COLEC12: variants seen among roughly 807,000 people sequenced by gnomAD.
The protein encoded by COLEC12 is collectin subfamily member 12, also known as collectin-12.
Under a neutral mutation model 71.1 loss-of-function variants are expected in COLEC12, and 33 were observed. The ratio of observed to expected loss-of-function variants is 0.46; its 90% CI spans 0.35 to 0.62. COLEC12 has a LOEUF of 0.62. Ranked by LOEUF, COLEC12 falls within the 20% of genes least tolerant of loss-of-function variation. The probability of loss-of-function intolerance (pLI) is 0.00; values close to 1 mark genes in which losing one functional copy is unlikely to be tolerated. For synonymous variants in COLEC12, 350 were observed against 353.0 expected, an observed-to-expected ratio of 0.99 and a Z score of 0.10; for missense variants, 765 against 916.1, an observed-to-expected ratio of 0.84 and a Z score of 2.13.
chr18:468,089 C>T (rs2143747667), intron 2 of COLEC12, among the ~76,000 whole-genome samples: 1 of 152,038 alleles, frequency 6.6e-6, no homozygotes, highest in South Asian at 2.1e-4. Context: ...TGGTGAAACC[C>T]CATCTCCACT....
At position 331,608 on chromosome 18, in the gene COLEC12, A is replaced by G. The variant is rs1037717998; in HGVS notation, c.2063+60T>C. On this transcript the variant is annotated intron_variant, in intron 8 of 9. Transcript: ENST00000400256. Reference sequence around the variant, plus strand: ...GGAAGAAACTGTTGGGAGTCGGGCAAGAAGTGACAACAGAACAGTGAGAGC... The same window carrying G: ...GGAAGAAACTGTTGGGAGTCGGGCAGGAAGTGACAACAGAACAGTGAGAGC... The G allele has an allele frequency of 7.2e-6, 8 of 1,105,498 alleles. No individual in the cohort carries two copies. The African/African-American group carries it at 1.1e-4, about 15-fold the overall frequency. The allele number at this position is 1,105,498 out of a possible 1,614,324, so 68.5% of individuals were successfully genotyped here.
chr18:377,598 G>A (rs947742006), intron 2 of COLEC12, among the ~76,000 whole-genome samples: 1 of 152,188 alleles, frequency 6.6e-6, no homozygotes, highest in Admixed American at 6.5e-5. Flanking sequence ...AAGGAAAGGA[G>A]CCTCCCAAAA....
intron 2 of COLEC12, among the ~76,000 whole-genome samples, chr18:429,202 G>GT (rs142565092): frequency 0.19 from 28,418 of 151,574 alleles, 2,925 homozygotes; most frequent in Middle Eastern, 0.24. Flanking sequence ...GTGTTTTTAT[G>GT]TTTTTTTTGT....
Position 347,216 on chromosome 18 carries a change from G to A in COLEC12, c.406C>T (p.Leu136=), listed in dbSNP as rs746937325. The part of the protein sequence containing the change: ...TEKTSKNKDT[L]EKLQASGDAL... ...TCCCCGCTCGCCTGTAACTTCTCCA[G>A]CGTATCCTTGTTCTTGCTGGTTTTT... Residue 136 remains leucine, a synonymous_variant, in exon 5 of 10, where the codon CTG becomes TTG. Coordinates refer to ENST00000400256, the MANE Select transcript of COLEC12 (RefSeq NM_130386.3). 3 of 1,614,188 alleles carry A rather than the reference G, an allele frequency of 1.9e-6. No homozygotes were observed. The highest frequency in any genetic ancestry group is 2.5e-6 in the Non-Finnish European group (3 of 1,180,030).
intron 5 of COLEC12, among the ~76,000 whole-genome samples, chr18:341,845 C>G (rs530283198): frequency 3.9e-4 from 59 of 152,114 alleles, no homozygotes; most frequent in Non-Finnish European, 7.2e-4. Flanking sequence ...AGCTCTTGTT[C>G]TCACTCATTA....
chr18:403,891 A>G (rs1401845322), intron 2 of COLEC12, among the ~76,000 whole-genome samples: 1 of 152,206 alleles, frequency 6.6e-6, no homozygotes, highest in Non-Finnish European at 1.5e-5. Context: ...GGCACAAACA[A>G]AGGATTGGAA....
In COLEC12 at chr18:318,488, G is replaced by GTTTTTTTT; in HGVS notation, c.*1549_*1556dup. On this transcript the variant is annotated 3_prime_UTR_variant, in exon 10 of 10. Transcript: ENST00000400256. ...AAAGGAAGATGGGCTCAGAGGAAAG[G>GTTTTTTTT]TTTTTTTTTTTTTTTTTTTTTTGAG... 2.0e-5 allele frequency: 2 copies of GTTTTTTTT among 99,056 alleles called. No homozygotes were observed. The highest frequency in any genetic ancestry group is 1.4e-4 in the Admixed American group (1 of 7,330). The allele number at this position is 99,056 out of a possible 1,614,324, so 6.1% of individuals were successfully genotyped here.
chr18:368,672 G>A lies in COLEC12; in HGVS notation c.59-11150C>T, dbSNP rs577785242. On this transcript the variant is annotated intron_variant, in intron 2 of 9. Coordinates refer to ENST00000400256, the MANE Select transcript of COLEC12 (RefSeq NM_130386.3). ...GAGGTCAGGAGATCGAGACCAGCCT[G>A]GCTAACATGGTGAAACCCCGTCTCC... 1.0e-3 allele frequency among the ~76,000 whole-genome samples: 156 copies of A among 152,014 alleles called. 3 individuals are homozygous for A. The highest frequency in any genetic ancestry group is 4.7e-3 in the Admixed American group (72 of 15,282).
At chr18:368,708 A>G (rs983562193) in intron 2 of COLEC12, among the ~76,000 whole-genome samples, 1 of 151,454 alleles carries the variant, frequency 6.6e-6, no homozygotes, top group African/African-American at 2.4e-5. Flanking sequence ...ACTAAAAAAT[A>G]CAAAAAAATT....
intron 4 of COLEC12, among the ~76,000 whole-genome samples, chr18:347,664 A>G (rs1914415540): frequency 6.6e-6 from 1 of 152,192 alleles, no homozygotes; most frequent in African/African-American, 2.4e-5. Flanking sequence ...TTTTTTTTTA[A>G]TGAAAGCAAA....
chr18:449,378 C>T (rs1916714207), intron 2 of COLEC12, among the ~76,000 whole-genome samples: 2 of 152,106 alleles, frequency 1.3e-5, no homozygotes, highest in South Asian at 2.1e-4. Flanking sequence ...CTAAACTAGT[C>T]GCTCTAAAAT....
At position 347,128 on chromosome 18, in the gene COLEC12, G is replaced by C. The variant is rs142117662; in HGVS notation, c.494C>G (p.Thr165Ser). The change falls in exon 5 of 10, where the codon ACC becomes AGC. Residue 165 changes from threonine (T) to serine (S), a missense_variant. Physicochemically the swap from Thr to Ser is moderately conservative, Grantham distance 58. Transcript: ENST00000400256. ...CGCCTGGAGGGTTTTGTTTACAGTGGTGATGAGGAAAGAGTTATTCTCCAA... is the reference window on the plus strand; with the variant it reads ...CGCCTGGAGGGTTTTGTTTACAGTGCTGATGAGGAAAGAGTTATTCTCCAA... ...ETLENNSFLITTVNKTLQAYN... is the reference protein window; with the variant it reads ...ETLENNSFLISTVNKTLQAYN... 6.2e-7 allele frequency: 1 copy of C among 1,614,198 alleles called. No homozygotes were observed. Among genetic ancestry groups the C allele is most frequent in the Non-Finnish European group, 8.5e-7 (1 of 1,180,036 alleles).
chr18:432,317 G>A (rs1916320140), intron 2 of COLEC12, among the ~76,000 whole-genome samples: 1 of 152,138 alleles, frequency 6.6e-6, no homozygotes, highest in Non-Finnish European at 1.5e-5. Context: ...CAAATAGCAG[G>A]AATTTATAAA....
Position 347,217 on chromosome 18 carries a change from C to T in COLEC12, c.405G>A (p.Thr135=), listed in dbSNP as rs141136904. The change falls in exon 5 of 10, where the codon ACG becomes ACA. Residue 135 remains threonine, a synonymous_variant. Coordinates refer to ENST00000400256, the MANE Select transcript of COLEC12 (RefSeq NM_130386.3). Reference sequence around the variant, plus strand: ...CCCCGCTCGCCTGTAACTTCTCCAGCGTATCCTTGTTCTTGCTGGTTTTTT... The same window carrying T: ...CCCCGCTCGCCTGTAACTTCTCCAGTGTATCCTTGTTCTTGCTGGTTTTTT... The part of the protein sequence containing the change: ...ITEKTSKNKD[T]LEKLQASGDA... 18 of 1,614,152 alleles carry T rather than the reference C, an allele frequency of 1.1e-5. No homozygotes were observed. The highest frequency in any genetic ancestry group is 1.1e-5 in the Non-Finnish European group (13 of 1,180,030).
At chr18:423,401 G>A (rs901972375) in intron 2 of COLEC12, among the ~76,000 whole-genome samples, 1 of 152,118 alleles carries the variant, frequency 6.6e-6, no homozygotes, top group African/African-American at 2.4e-5. Flanking sequence ...ATTAAAATAT[G>A]TATTATTTTC....
chr18:368,212 GT>G, intron 2 of COLEC12, among the ~76,000 whole-genome samples: 1 of 152,278 alleles, frequency 6.6e-6, no homozygotes, highest in African/African-American at 2.4e-5. Flanking sequence ...ACATACGTTT[GT>G]ACACACACAC....
At chr18:394,170 G>A (rs776734893) in intron 2 of COLEC12, among the ~76,000 whole-genome samples, 13 of 152,174 alleles carry the variant, frequency 8.5e-5, no homozygotes, top group Non-Finnish European at 1.6e-4. Context: ...AAAAGCAATT[G>A]AGTAAAGTCA....
chr18:374,169 C>T (rs1034094308), intron 2 of COLEC12, among the ~76,000 whole-genome samples: 23 of 152,114 alleles, frequency 1.5e-4, no homozygotes, highest in Admixed American at 9.2e-4. Context: ...TTGAGAAAAG[C>T]GGCAAACAGA....
intron 2 of COLEC12, among the ~76,000 whole-genome samples, chr18:415,947 G>A (rs1222389298): frequency 6.6e-6 from 1 of 152,178 alleles, no homozygotes. Context: ...TGTTGAATAT[G>A]TTTGGCTTAA....
Sources: gnomAD v4.1 joint callset for allele counts (sites outside exome capture counted in the v4.1 genomes callset) on GRCh38, gnomAD v4.1.1 for gene constraint, MANE v1.5 for transcripts, NCBI Gene and HGNC (gene_info 2026-07-23, HGNC 2026-07-21) for gene names.